MET: variants seen among roughly 807,000 people sequenced by gnomAD.
MET encodes the protein MET proto-oncogene, receptor tyrosine kinase, also known as hepatocyte growth factor receptor.
In MET, 48 loss-of-function variants were observed where a neutral mutation model predicts 133.1. That is an observed-to-expected ratio of 0.36 (90% CI 0.29 to 0.46). The LOEUF is 0.46. Ranked by LOEUF, MET falls within the 20% of genes least tolerant of loss-of-function variation. The pLI is 1.00. For synonymous variants in MET, 628 were observed against 616.5 expected, an observed-to-expected ratio of 1.02 and a Z score of -0.28; for missense variants, 1,442 against 1,695.9, an observed-to-expected ratio of 0.85 and a Z score of 2.63.
chr7:116,706,800 G>A (rs571145677), intron 2 of MET, among the ~76,000 whole-genome samples: 54 of 151,954 alleles, frequency 3.6e-4, no homozygotes, highest in Non-Finnish European at 6.3e-4. Flanking sequence ...CATCTCCAGC[G>A]TCCAGGGAGG....
chr7:116,725,145 A>G (rs1792691071), intron 2 of MET, among the ~76,000 whole-genome samples: 1 of 152,136 alleles, frequency 6.6e-6, no homozygotes, highest in South Asian at 2.1e-4. Flanking sequence ...CAAAATCAAC[A>G]ATTAGGATTC....
chr7:116,726,875 G>T (rs943394737), intron 2 of MET, among the ~76,000 whole-genome samples: 1 of 152,234 alleles, frequency 6.6e-6, no homozygotes, highest in Admixed American at 6.5e-5. Context: ...CAGAAGGCCA[G>T]TGAGGAAGCA....
chr7:116,771,670 T>C lies in MET; in HGVS notation c.2887+16T>C, dbSNP rs1156790048. ...CAAATTAAAGGTGCATTTTTGTTAC[T>C]GTTCATTTTTAGAAGTTACCTTAAG... On this transcript the variant is annotated intron_variant, in intron 13 of 20. Transcript: ENST00000397752. 3 of 1,613,430 alleles carry C rather than the reference T, an allele frequency of 1.9e-6. No homozygotes were observed. The highest frequency in any genetic ancestry group is 1.1e-5 in the South Asian group (1 of 91,044).
intron 11 of MET, among the ~76,000 whole-genome samples, chr7:116,765,301 A>C (rs912947008): frequency 1.3e-5 from 2 of 151,746 alleles, no homozygotes; most frequent in African/African-American, 2.4e-5. Context: ...AAAAAAAAAA[A>C]AAAAAAACCA....
chr7:116,780,219 G>A (rs1317971935), intron 17 of MET, among the ~76,000 whole-genome samples: 2 of 151,910 alleles, frequency 1.3e-5, no homozygotes, highest in Non-Finnish European at 2.9e-5. Context: ...AGGGAGGGTG[G>A]GAATAAGAAT....
chr7:116,705,181 G>A (rs1584883984), intron 2 of MET, among the ~76,000 whole-genome samples: 1 of 152,022 alleles, frequency 6.6e-6, no homozygotes, highest in East Asian at 1.9e-4. Flanking sequence ...TGATAGATGA[G>A]TAAAATCGAG....
rs1794461185 is a variant in MET, at chr7:116,763,086, T to C, written c.2401T>C (p.Cys801Arg). 1 of 1,614,056 alleles carries C rather than the reference T, an allele frequency of 6.2e-7. No individual in the cohort carries two copies. The highest frequency in any genetic ancestry group is 8.5e-7 in the Non-Finnish European group (1 of 1,179,982). ...QHRSNSEIIC[C>R]TTPSLQQLNL... ...TCGCTCTAATTCAGAGATAATCTGT[T>C]GTACCACTCCTTCCCTGCAACAGCT... The change falls in exon 11 of 21, where the codon TGT (cysteine) becomes CGT (arginine). Residue 801 changes from cysteine (C) to arginine (R), a missense_variant. By Grantham distance (180) the Cys-to-Arg change is radical. This residue lies in a region of MET where 514 missense variants were observed against 659.6 expected (regional missense o/e 0.78). Coordinates refer to ENST00000397752, the MANE Select transcript of MET (RefSeq NM_000245.4).
At chr7:116,692,997 A>T (rs1458425078) in intron 1 of MET, among the ~76,000 whole-genome samples, 1 of 152,336 alleles carries the variant, frequency 6.6e-6, no homozygotes, top group East Asian at 1.9e-4. Flanking sequence ...ATCCAGACAC[A>T]TCATGGGGGA....
chr7:116,704,557 A>G (rs947363050), intron 2 of MET, among the ~76,000 whole-genome samples: 2 of 152,276 alleles, frequency 1.3e-5, no homozygotes, highest in South Asian at 2.1e-4. Context: ...TCTATTGTTT[A>G]CAAGTCTTTC....
At chr7:116,745,417 T>A (rs1451443095) in intron 5 of MET, among the ~76,000 whole-genome samples, 1 of 152,170 alleles carries the variant, frequency 6.6e-6, no homozygotes, top group Non-Finnish European at 1.5e-5. Context: ...TTCACAGAAT[T>A]GGAAAAAACT....
intron 2 of MET, among the ~76,000 whole-genome samples, chr7:116,721,955 T>C (rs1036950595): frequency 4.6e-5 from 7 of 151,046 alleles, no homozygotes; most frequent in Admixed American, 3.3e-4. Flanking sequence ...AAAAAATGTA[T>C]ATTCTGTTGA....
At chr7:116,763,612 C>T (rs536927736) in intron 11 of MET, among the ~76,000 whole-genome samples, 2 of 152,258 alleles carry the variant, frequency 1.3e-5, no homozygotes, top group African/African-American at 4.8e-5. Flanking sequence ...TAAGATAAAA[C>T]ATAAGAGCTG....
At chr7:116,789,115 G>A (rs979863389) in intron 19 of MET, among the ~76,000 whole-genome samples, 4 of 151,838 alleles carry the variant, frequency 2.6e-5, no homozygotes, top group Non-Finnish European at 5.9e-5. Context: ...TCTTCCTTTG[G>A]TTTCTGGGAC....
intron 5 of MET, among the ~76,000 whole-genome samples, chr7:116,744,291 A>G (rs1215887064): frequency 2.0e-5 from 3 of 152,004 alleles, no homozygotes; most frequent in East Asian, 1.9e-4. Context: ...AAGAACCTTG[A>G]AAAAAAAGCT....
chr7:116,726,210 A>T (rs1224155624), intron 2 of MET, among the ~76,000 whole-genome samples: 1 of 100,078 alleles, frequency 1.0e-5, no homozygotes, highest in Non-Finnish European at 2.1e-5. Context: ...TATCTCTACC[A>T]CCAGGCTCAA....
intron 19 of MET, among the ~76,000 whole-genome samples, chr7:116,792,865 T>G (rs1485192946): frequency 6.6e-6 from 1 of 152,244 alleles, no homozygotes; most frequent in African/African-American, 2.4e-5. Context: ...ATCACAGGAT[T>G]GTAACCAAGT....
At chr7:116,790,452 T>G (rs1229774845) in intron 19 of MET, among the ~76,000 whole-genome samples, 1 of 152,248 alleles carries the variant, frequency 6.6e-6, no homozygotes, top group Non-Finnish European at 1.5e-5. Flanking sequence ...TCCTTCTTTT[T>G]AAAGGCAGAA....
chr7:116,708,432 G>C (rs1791877699), intron 2 of MET, among the ~76,000 whole-genome samples: 1 of 152,154 alleles, frequency 6.6e-6, no homozygotes, highest in Non-Finnish European at 1.5e-5. Context: ...TAAGTGGTTT[G>C]TGGTCATTAG....
intron 14 of MET, among the ~76,000 whole-genome samples, chr7:116,773,573 A>G (rs757753572): frequency 3.3e-5 from 5 of 152,154 alleles, no homozygotes; most frequent in East Asian, 1.9e-4. Flanking sequence ...GGCATTCCCA[A>G]TCCCCTGGGG....
Sources: gnomAD v4.1 joint callset for allele counts (sites outside exome capture counted in the v4.1 genomes callset) on GRCh38, gnomAD v4.1.1 for gene constraint, gnomAD v4.1.1 regional missense constraint, MANE v1.5 for transcripts, NCBI Gene and HGNC (gene_info 2026-07-23, HGNC 2026-07-21) for gene names.